The following RAD51AP2 variants were observed in gnomAD, a reference collection of about 807,000 sequenced individuals.
RAD51AP2 encodes RAD51-associated protein 2.
Under a neutral mutation model 85.5 loss-of-function variants are expected in RAD51AP2, and 67 were observed. The ratio of observed to expected loss-of-function variants is 0.78; its 90% CI spans 0.64 to 0.96. RAD51AP2 has a LOEUF of 0.96. Ranked by LOEUF, RAD51AP2 falls within the 40% of genes least tolerant of loss-of-function variation. The pLI, the probability that RAD51AP2 is intolerant of heterozygous loss-of-function variation, is 0.00. For synonymous variants in RAD51AP2, 474 were observed against 446.5 expected (o/e 1.06, Z -0.78); for missense variants, 1,307 against 1,332.4 (o/e 0.98, Z 0.30).
rs1346842317 is a variant in RAD51AP2, at chr2:17,515,358, C to T, written c.3058G>A (p.Val1020Ile). The T allele has an allele frequency of 6.2e-7, 1 of 1,611,802 alleles. No homozygotes were observed. Among genetic ancestry groups the T allele is most frequent in the East Asian group, 2.2e-5 (1 of 44,810 alleles). ...KMEIEKDLKMVVVNKIRASSS... is the reference protein window; with the variant it reads ...KMEIEKDLKMIVVNKIRASSS... Reference sequence around the variant, plus strand: ...GATGCACGTATTTTGTTGACCACAACCATTTTCAAATCTTTTTCTATCTCC... The same window carrying T: ...GATGCACGTATTTTGTTGACCACAATCATTTTCAAATCTTTTTCTATCTCC... The change falls in exon 1 of 3, where the codon GTT becomes ATT. Residue 1020 changes from valine to isoleucine, a missense_variant. By Grantham distance (29) the Val-to-Ile change is conservative. Around this residue, in one of 3 missense-constraint regions of RAD51AP2, gnomAD observed 668 missense variants for 671.0 expected, o/e 1.00. Coordinates refer to ENST00000399080, the MANE Select transcript of RAD51AP2 (RefSeq NM_001099218.3).
At position 17,518,331 on chromosome 2, in the gene RAD51AP2, G is replaced by C. The variant is rs1335540951; in HGVS notation, c.85C>G (p.Gln29Glu). 1 of 1,613,982 alleles carries C rather than the reference G, an allele frequency of 6.2e-7. No individual in the cohort carries two copies. Among genetic ancestry groups the C allele is most frequent in the Non-Finnish European group, 8.5e-7 (1 of 1,180,026 alleles). The change falls in exon 1 of 3, where the codon CAA (glutamine) becomes GAA (glutamate). Residue 29 changes from glutamine (Q) to glutamate (E), a missense_variant. Around this residue, in one of 3 missense-constraint regions of RAD51AP2, gnomAD observed 635 missense variants for 643.6 expected, o/e 0.99. Coordinates refer to ENST00000399080, the MANE Select transcript of RAD51AP2 (RefSeq NM_001099218.3). ...CAGAGCCGCTTGCTACTAGGTGGTT[G>C]GGAATCCGGGTCCTCAGGAGGCGTT... is the stretch of plus-strand genomic sequence containing the variant. ...SLTPPEDPDS[Q>E]PPSSKRLCLE...
the RAD51AP2 span, among the ~76,000 whole-genome samples, chr2:17,527,138 C>A: frequency 5.3e-5 from 8 of 152,148 alleles, no homozygotes; most frequent in Non-Finnish European, 1.0e-4. Flanking sequence ...CATGCTTCAG[C>A]CTTCTATTTC....
rs766284461 is a variant in RAD51AP2, at chr2:17,517,165, C to T, written c.1251G>A (p.Lys417=). 6.2e-7 allele frequency: 1 copy of T among 1,609,464 alleles called. No homozygotes were observed. Among genetic ancestry groups the T allele is most frequent in the Admixed American group, 1.7e-5 (1 of 59,222 alleles). Residue 417 remains lysine (K), a synonymous_variant, in exon 1 of 3, where the codon AAG becomes AAA. Coordinates refer to ENST00000399080, the MANE Select transcript of RAD51AP2 (RefSeq NM_001099218.3). ...TTTTTTTCATATTTTCACATTTAGT[C>T]TTGCAATTATTTATAATCCAACAAT... The part of the protein sequence containing the change: ...RGNCWIINNC[K]TKCENMKKTE...
At chr2:17,520,637 A>G (rs1301232517), upstream of RAD51AP2, among the ~76,000 whole-genome samples, 1 of 152,128 alleles carries the variant, frequency 6.6e-6, no homozygotes, top group African/African-American at 2.4e-5. Flanking sequence ...TGAAGATATG[A>G]CACAATCTCC....
chr2:17,537,323 T>C, the RAD51AP2 span, among the ~76,000 whole-genome samples: 1 of 151,990 alleles, frequency 6.6e-6, no homozygotes, highest in African/African-American at 2.4e-5. Context: ...CCCCTGTCTC[T>C]CTCAGAAAAA....
At chr2:17,518,510 C>G, upstream of RAD51AP2, 1 of 1,457,616 alleles carries the variant, frequency 6.9e-7, no homozygotes, top group Non-Finnish European at 9.2e-7. Flanking sequence ...CTGACCCGCC[C>G]CTCAAGACCT....
At position 17,518,336 on chromosome 2, in the gene RAD51AP2, TC is replaced by T; in HGVS notation, c.79del (p.Asp27IlefsTer76). The T allele has an allele frequency of 6.2e-7, 1 of 1,614,054 alleles. No homozygotes were observed. Among genetic ancestry groups the T allele is most frequent in the African/African-American group, 1.3e-5 (1 of 75,008 alleles). ...TSSLTPPEDPDSQPPSSKRLC... is the reference protein window; with the variant it reads ...TSSLTPPEDPXSQPPSSKRLC... ...CCGCTTGCTACTAGGTGGTTGGGAA[TC>T]CGGGTCCTCAGGAGGCGTTAAAGAG... On this transcript the variant is annotated frameshift_variant, in exon 1 of 3. Coordinates refer to ENST00000399080, the MANE Select transcript of RAD51AP2 (RefSeq NM_001099218.3). LOFTEE classifies it high-confidence loss of function.
intron 1 of RAD51AP2, among the ~76,000 whole-genome samples, chr2:17,514,672 A>C (rs556503577): frequency 6.6e-6 from 1 of 152,270 alleles, no homozygotes; most frequent in African/African-American, 2.4e-5. Flanking sequence ...CTGGAGGCTA[A>C]GGCAGGAGAA....
In RAD51AP2 at chr2:17,510,590, A is replaced by G; in HGVS notation, c.*214T>C. The G allele has an allele frequency of 3.1e-6, 1 of 317,754 alleles. No individual in the cohort carries two copies. The highest frequency in any genetic ancestry group is 5.7e-6 in the Non-Finnish European group (1 of 176,364). The allele number at this position is 317,754 out of a possible 1,614,324, so 19.7% of individuals were successfully genotyped here. A position where few individuals can be genotyped will look rare whatever the true frequency, so the allele number is the denominator to read the frequency against. ...AATAAGTCAACATGTTTTATCCAAT[A>G]ATGAAACGGCTTTAATGTGTACATT... On this transcript the variant is annotated 3_prime_UTR_variant, in exon 3 of 3. Coordinates refer to ENST00000399080, the MANE Select transcript of RAD51AP2 (RefSeq NM_001099218.3).
At chr2:17,536,380 C>T in the RAD51AP2 span, among the ~76,000 whole-genome samples, 16 of 152,202 alleles carry the variant, frequency 1.1e-4, no homozygotes, top group Admixed American at 1.0e-3. Flanking sequence ...ATGCACAGTG[C>T]AATTCTGTTA....
upstream of RAD51AP2, among the ~76,000 whole-genome samples, chr2:17,520,859 C>T (rs1311450246): frequency 2.0e-5 from 3 of 151,846 alleles, no homozygotes; most frequent in Admixed American, 6.6e-5. Flanking sequence ...CTCCTCCTGG[C>T]AAATTCTTAT....
chr2:17,513,190 G>A (rs62130400), intron 2 of RAD51AP2, among the ~76,000 whole-genome samples: 4,446 of 147,750 alleles, frequency 0.03, 66 homozygotes, highest in Middle Eastern at 0.057. Flanking sequence ...TTGTAGATCT[G>A]TTGGGCAAAA....
intron 1 of RAD51AP2, among the ~76,000 whole-genome samples, chr2:17,514,696 G>C (rs1401039981): frequency 1.3e-5 from 2 of 152,120 alleles, no homozygotes; most frequent in African/African-American, 4.8e-5. Flanking sequence ...CTTGAACCCA[G>C]GAGGCAGAGG....
upstream of RAD51AP2, among the ~76,000 whole-genome samples, chr2:17,522,313 C>T (rs1209917392): frequency 1.3e-5 from 2 of 152,018 alleles, no homozygotes; most frequent in Non-Finnish European, 2.9e-5. Context: ...AAGCCCTTCG[C>T]AGTTTCAGTC....
upstream of RAD51AP2, among the ~76,000 whole-genome samples, chr2:17,520,556 C>A (rs1460019359): frequency 6.6e-6 from 1 of 151,944 alleles, no homozygotes; most frequent in Non-Finnish European, 1.5e-5. Flanking sequence ...TTTCTTTTAG[C>A]GTGGTGTCTT....
At chr2:17,530,874 A>T in the RAD51AP2 span, among the ~76,000 whole-genome samples, 6 of 152,210 alleles carry the variant, frequency 3.9e-5, no homozygotes, top group African/African-American at 9.6e-5. Flanking sequence ...AATGGTCCTT[A>T]ATCCATCAGA....
Position 17,518,150 on chromosome 2 carries a change from C to T in RAD51AP2, c.266G>A (p.Cys89Tyr), listed in dbSNP as rs149120109. 505 of 1,614,138 alleles carry T rather than the reference C, an allele frequency of 3.1e-4. No individual in the cohort carries two copies. The African/African-American group carries it at 5.9e-3, about 19-fold the overall frequency. ...NAIFDNSTDS[C>Y]VEKSVSGKQI... ...CTTCCCACTGACTGATTTCTCCACACACGAGTCTGTGGAGTTATCGAAAAT... is the reference window on the plus strand; with the variant it reads ...CTTCCCACTGACTGATTTCTCCACATACGAGTCTGTGGAGTTATCGAAAAT... Residue 89 changes from cysteine to tyrosine, a missense_variant, in exon 1 of 3, where the codon TGT becomes TAT. Transcript: ENST00000399080.
the RAD51AP2 span, among the ~76,000 whole-genome samples, chr2:17,527,308 G>T: frequency 1.8e-4 from 27 of 152,138 alleles, no homozygotes; most frequent in Non-Finnish European, 3.4e-4. Flanking sequence ...GAGAAAAAAA[G>T]GATGAGAGGA....
the RAD51AP2 span, among the ~76,000 whole-genome samples, chr2:17,527,383 T>C: frequency 6.6e-6 from 1 of 152,174 alleles, no homozygotes. Flanking sequence ...AGGTGGACTT[T>C]ATGCCACAGA....
Sources: gnomAD v4.1 joint callset for allele counts (sites outside exome capture counted in the v4.1 genomes callset) on GRCh38, gnomAD v4.1.1 for gene constraint, gnomAD v4.1.1 regional missense constraint, MANE v1.5 for transcripts, NCBI Gene and HGNC (gene_info 2026-07-23, HGNC 2026-07-21) for gene names.